Variants in TAS2R1 observed in about 807,000 individuals in gnomAD.
The protein encoded by TAS2R1 is taste 2 receptor member 1.
For missense variants in TAS2R1, 370 were observed against 353.4 expected (o/e 1.05, Z -0.38); for synonymous variants, 141 against 134.2 (o/e 1.05, Z -0.35).
At chr5:9,633,294 T>TTATATA (rs200096603), upstream of TAS2R1, among the ~76,000 whole-genome samples, 1,986 of 67,732 alleles carry the variant, frequency 0.029, 110 homozygotes, top group Middle Eastern at 0.056. Context: ...TGTGTGTATA[T>TTATATA]TATATATATA....
intron 1 of TAS2R1, among the ~76,000 whole-genome samples, chr5:9,688,719 G>C (rs1741175523): frequency 6.6e-6 from 1 of 152,150 alleles, no homozygotes; most frequent in Non-Finnish European, 1.5e-5. Flanking sequence ...CAGAAATGCT[G>C]GTCTGATGAT....
the TAS2R1 span, among the ~76,000 whole-genome samples, chr5:9,817,834 G>C: frequency 6.6e-6 from 1 of 151,448 alleles, no homozygotes; most frequent in Admixed American, 6.6e-5. Context: ...AGGTGAAGGG[G>C]AAGCGAGCCT....
At chr5:9,901,140 C>T in the TAS2R1 span, among the ~76,000 whole-genome samples, 1 of 152,098 alleles carries the variant, frequency 6.6e-6, no homozygotes, top group South Asian at 2.1e-4. Flanking sequence ...GGGTAGGCAT[C>T]TCTCCAGGAG....
chr5:9,697,599 A>G (rs1369409281), intron 1 of TAS2R1, among the ~76,000 whole-genome samples: 1 of 152,234 alleles, frequency 6.6e-6, no homozygotes, highest in Non-Finnish European at 1.5e-5. Context: ...TTAATGCAAG[A>G]CTAGTTTAGT....
At chr5:9,641,057 A>T (rs1239041558) in intron 2 of TAS2R1, among the ~76,000 whole-genome samples, 1 of 152,016 alleles carries the variant, frequency 6.6e-6, no homozygotes, top group African/African-American at 2.4e-5. Flanking sequence ...AGTAACAAGA[A>T]CACTAAAGTG....
chr5:9,832,468 C>T, the TAS2R1 span, among the ~76,000 whole-genome samples: 8 of 152,110 alleles, frequency 5.3e-5, no homozygotes, highest in Admixed American at 2.6e-4. Context: ...TGGACCTTTC[C>T]GCCATCTTCT....
the TAS2R1 span, among the ~76,000 whole-genome samples, chr5:9,896,613 G>T: frequency 6.6e-6 from 1 of 152,130 alleles, no homozygotes; most frequent in Non-Finnish European, 1.5e-5. Context: ...TCTATGGAAA[G>T]TATTCCTCAC....
At chr5:9,676,554 T>C (rs965599808) in intron 1 of TAS2R1, among the ~76,000 whole-genome samples, 1 of 152,154 alleles carries the variant, frequency 6.6e-6, no homozygotes, top group Non-Finnish European at 1.5e-5. Context: ...TATACATACA[T>C]ACATACACAA....
the TAS2R1 span, among the ~76,000 whole-genome samples, chr5:9,755,251 C>T: frequency 6.6e-6 from 1 of 151,878 alleles, no homozygotes; most frequent in African/African-American, 2.4e-5. Context: ...GAATTTAGGG[C>T]GAGTTCATAC....
the TAS2R1 span, among the ~76,000 whole-genome samples, chr5:9,811,169 C>G: frequency 6.6e-6 from 1 of 152,108 alleles, no homozygotes; most frequent in Non-Finnish European, 1.5e-5. Context: ...AGAGAGCTGC[C>G]CAGACACTTC....
At chr5:9,754,349 A>T in the TAS2R1 span, among the ~76,000 whole-genome samples, 1 of 152,216 alleles carries the variant, frequency 6.6e-6, no homozygotes, top group African/African-American at 2.4e-5. Context: ...AACTGGCACA[A>T]GACAGGGATG....
At chr5:9,735,365 GT>G in the TAS2R1 span, among the ~76,000 whole-genome samples, 2 of 151,388 alleles carry the variant, frequency 1.3e-5, no homozygotes, top group African/African-American at 4.9e-5. Flanking sequence ...AAATTTATGA[GT>G]TTTTTATTGC....
chr5:9,647,554 CA>C (rs143674787), intron 2 of TAS2R1, among the ~76,000 whole-genome samples: 2,430 of 152,184 alleles, frequency 0.016, 33 homozygotes, highest in Non-Finnish European at 0.026. Flanking sequence ...AAACATTTAG[CA>C]ATGGTACTCA....
At chr5:9,700,701 G>C (rs554067452) in intron 1 of TAS2R1, among the ~76,000 whole-genome samples, 1 of 147,382 alleles carries the variant, frequency 6.8e-6, no homozygotes, top group Admixed American at 7.1e-5. Flanking sequence ...CAAGATCAAG[G>C]TGTCAGCAGG....
the TAS2R1 span, among the ~76,000 whole-genome samples, chr5:9,774,720 G>C: frequency 6.6e-6 from 1 of 152,244 alleles, no homozygotes; most frequent in Non-Finnish European, 1.5e-5. Context: ...TCTTGGATAA[G>C]ATCCAGAATA....
the TAS2R1 span, among the ~76,000 whole-genome samples, chr5:9,743,319 T>A: frequency 2.2e-4 from 33 of 151,136 alleles, no homozygotes; most frequent in South Asian, 2.1e-4. Flanking sequence ...TTTTTTTTTT[T>A]AATTTTATTA....
chr5:9,691,204 CAGAT>C (rs935558275), intron 1 of TAS2R1, among the ~76,000 whole-genome samples: 46 of 152,288 alleles, frequency 3.0e-4, no homozygotes, highest in African/African-American at 1.0e-3. Context: ...CAGAGGGAGA[CAGAT>C]AGACAGGGAG....
At chr5:9,708,815 A>G (rs892270832) in intron 1 of TAS2R1, among the ~76,000 whole-genome samples, 1 of 152,138 alleles carries the variant, frequency 6.6e-6, no homozygotes, top group African/African-American at 2.4e-5. Context: ...CTATGTAACA[A>G]AAAGTTCTAG....
At chr5:9,727,981 A>G in the TAS2R1 span, among the ~76,000 whole-genome samples, 1 of 152,238 alleles carries the variant, frequency 6.6e-6, no homozygotes, top group African/African-American at 2.4e-5. Flanking sequence ...CCAAACAGAA[A>G]TGGGGAACAA....
Sources: allele counts gnomAD v4.1 joint callset (sites outside exome capture counted in the v4.1 genomes callset), GRCh38; gene constraint gnomAD v4.1.1; transcripts MANE v1.5; gene names NCBI Gene and HGNC (gene_info 2026-07-23, HGNC 2026-07-21).